Variants in DSG1 observed in about 807,000 individuals in gnomAD.
DSG1 encodes the protein desmoglein 1.
In DSG1, 39 loss-of-function variants were observed where a neutral mutation model predicts 97.5. The ratio of observed to expected loss-of-function variants is 0.40; its 90% CI spans 0.31 to 0.52. The LOEUF (loss-of-function observed/expected upper bound fraction) is 0.52. Ranked by LOEUF, DSG1 falls within the 20% of genes least tolerant of loss-of-function variation. The pLI, the probability that DSG1 is intolerant of heterozygous loss-of-function variation, is 0.53. For missense variants in DSG1, 1,311 were observed against 1,295.4 expected, an observed-to-expected ratio of 1.01 and a Z score of -0.18; for synonymous variants, 475 against 443.4, an observed-to-expected ratio of 1.07 and a Z score of -0.90.
rs535358304 is a variant in DSG1, at chr18:31,333,595, G to A, written c.691G>A (p.Gly231Ser). 105 of 1,613,594 alleles carry A rather than the reference G, an allele frequency of 6.5e-5. No individual in the cohort carries two copies. Among genetic ancestry groups the A allele is most frequent in the Admixed American group, 3.8e-4 (23 of 59,972 alleles). The change falls in exon 7 of 15, where the codon GGC becomes AGC. Residue 231 changes from glycine to serine, a missense_variant. Around this residue, in one of 3 missense-constraint regions of DSG1, gnomAD observed 259 missense variants for 304.1 expected, o/e 0.85. Transcript: ENST00000257192. ...CTGTAATATGTATTTTTAGCAATAC[G>A]GCCAGTATGCTCTTGCTGTAAGAGG... is the stretch of plus-strand genomic sequence containing the variant. ...MNNFLDREQYGQYALAVRGSD... is the reference protein window; with the variant it reads ...MNNFLDREQYSQYALAVRGSD...
rs1007662670 is a variant in DSG1 at position 31,324,946 on chromosome 18, T to C, written c.49-1635T>C. Among the ~76,000 whole-genome samples the C allele has an allele frequency of 2.0e-5, 3 of 152,204 alleles. No homozygotes were observed. In the East Asian group the frequency reaches 5.8e-4, roughly 29 times the overall value. The stretch of plus-strand genomic sequence containing the variant: ...AATATTACAGCTGGAAAGTTACCTG[T>C]ATAAAATTTAGTCTACTCTTGTCAT... On this transcript the variant is annotated intron_variant, in intron 1 of 14. Transcript: ENST00000257192.
intron 1 of DSG1, among the ~76,000 whole-genome samples, chr18:31,322,281 AC>A (rs1182239398): frequency 2.6e-5 from 4 of 152,374 alleles, no homozygotes; most frequent in Middle Eastern, 3.4e-3. Context: ...CTAATCACAC[AC>A]AGCAGAGGTA....
At chr18:31,324,361 A>G (rs183067767) in intron 1 of DSG1, among the ~76,000 whole-genome samples, 1 of 147,304 alleles carries the variant, frequency 6.8e-6, no homozygotes, top group African/African-American at 2.5e-5. Flanking sequence ...TTCTAGTTTT[A>G]TCCTCAATTG....
intron 3 of DSG1, among the ~76,000 whole-genome samples, chr18:31,327,895 G>C (rs1399627639): frequency 6.6e-6 from 1 of 152,122 alleles, no homozygotes; most frequent in African/African-American, 2.4e-5. Flanking sequence ...TTTAACTGTT[G>C]AATGAATGAA....
At chr18:31,325,836 T>G (rs1017971332) in intron 1 of DSG1, among the ~76,000 whole-genome samples, 1 of 152,218 alleles carries the variant, frequency 6.6e-6, no homozygotes, top group Non-Finnish European at 1.5e-5. Flanking sequence ...TTGAATTATA[T>G]TTAGCCATAG....
intron 4 of DSG1, among the ~76,000 whole-genome samples, chr18:31,329,682 C>A (rs531376462): frequency 2.6e-4 from 39 of 151,710 alleles, no homozygotes; most frequent in South Asian, 2.1e-4. Context: ...TAATAATAAT[C>A]ATAATAATAA....
intron 12 of DSG1, 107 bp downstream of exon 12, chr18:31,343,690 C>G (rs2071806567): frequency 2.0e-6 from 3 of 1,511,484 alleles, no homozygotes; most frequent in Non-Finnish European, 2.7e-6. Context: ...GTTTTTTGTG[C>G]TGAGAAAGCT....
intron 6 of DSG1, among the ~76,000 whole-genome samples, chr18:31,332,472 A>T (rs1235206690): frequency 6.6e-6 from 1 of 152,148 alleles, no homozygotes; most frequent in Non-Finnish European, 1.5e-5. Context: ...CAAATAAGAA[A>T]ATAACTAGTG....
chr18:31,345,843 T>C, intron 13 of DSG1, 147 bp from the exon 14 acceptor site: 2 of 637,706 alleles, frequency 3.1e-6, no homozygotes, highest in Non-Finnish European at 5.5e-6. Context: ...ATTGTATTTA[T>C]ATCTCCTTTC....
intron 6 of DSG1, among the ~76,000 whole-genome samples, chr18:31,332,784 A>C (rs540421892): frequency 6.6e-5 from 10 of 152,276 alleles, no homozygotes; most frequent in African/African-American, 2.4e-4. Context: ...ATGTTACCTA[A>C]GTCTCCTTTT....
rs2071941423 is a variant in DSG1 at position 31,354,954 on chromosome 18, G to A, written c.2758G>A (p.Val920Met). 1.2e-6 allele frequency: 2 copies of A among 1,614,214 alleles called. No individual in the cohort carries two copies. Reference sequence around the variant, plus strand: ...CCATCATCCTAGAGAGTCTTCAAATGTGGTAGTGACAGAAAGAGTAATCCA... The same window carrying A: ...CCATCATCCTAGAGAGTCTTCAAATATGGTAGTGACAGAAAGAGTAATCCA... ...TIHHPRESSN[V>M]VVTERVIQPT... The change falls in exon 15 of 15, where the codon GTG becomes ATG. Residue 920 changes from valine (V) to methionine (M), a missense_variant. By Grantham distance (21) the Val-to-Met change is conservative. Coordinates refer to ENST00000257192, the MANE Select transcript of DSG1 (RefSeq NM_001942.4).
In DSG1 at chr18:31,343,983, A is replaced by G. The variant is rs778941020; in HGVS notation, c.1879A>G (p.Ile627Val). 6.8e-6 allele frequency: 11 copies of G among 1,612,084 alleles called. No individual in the cohort carries two copies. The highest frequency in any genetic ancestry group is 1.7e-5 in the Admixed American group (1 of 60,012). The change falls in exon 13 of 15, where the codon ATT becomes GTT. Residue 627 changes from isoleucine to valine, a missense_variant. This residue lies in a region of DSG1 where 1,038 missense variants were observed against 964.6 expected (regional missense o/e 1.08). Transcript: ENST00000257192. ...PPDNANIIEC[I>V]DNSGVYTNEY... is the part of the protein sequence containing the mutation. Reference sequence around the variant, plus strand: ...TGATAACGCAAATATAATTGAATGCATTGACAACTCAGGTAAGAAAAAAGA... The same window carrying G: ...TGATAACGCAAATATAATTGAATGCGTTGACAACTCAGGTAAGAAAAAAGA...
chr18:31,343,616 T>C (rs2071805845), intron 12 of DSG1, 33 bp downstream of exon 12: 1 of 1,613,978 alleles, frequency 6.2e-7, no homozygotes, highest in African/African-American at 1.3e-5. Flanking sequence ...TAGCCGTTGG[T>C]AGTCACTGAA....
chr18:31,336,792 A>ATCAG (rs2071757434), intron 9 of DSG1, among the ~76,000 whole-genome samples, 179 bp downstream of exon 9: 1 of 152,238 alleles, frequency 6.6e-6, no homozygotes, highest in African/African-American at 2.4e-5. Context: ...AAACATAAAA[A>ATCAG]TTCATGCAAG....
chr18:31,327,246 T>C (rs1217159461), intron 3 of DSG1, among the ~76,000 whole-genome samples: 1 of 152,154 alleles, frequency 6.6e-6, no homozygotes, highest in Non-Finnish European at 1.5e-5. Flanking sequence ...TGATCATGTG[T>C]TATCCCAAAC....
chr18:31,333,840 AC>A, intron 7 of DSG1, 117 bp downstream of exon 7: 1 of 1,325,900 alleles, frequency 7.5e-7, no homozygotes, highest in Non-Finnish European at 1.1e-6. Flanking sequence ...CCAAATGTAG[AC>A]ACATACTTTT....
intron 12 of DSG1, 114 bp from the exon 13 acceptor site, chr18:31,343,812 A>T: frequency 4.3e-6 from 5 of 1,161,018 alleles, no homozygotes; most frequent in Non-Finnish European, 6.3e-6. Context: ...TTTCCTAAAT[A>T]GTATTTTTTT....
chr18:31,325,355 A>G (rs2071679340), intron 1 of DSG1, among the ~76,000 whole-genome samples: 1 of 152,226 alleles, frequency 6.6e-6, no homozygotes. Flanking sequence ...GGGAAGCGCA[A>G]TAACAGATAA....
rs1370410244 is a variant in DSG1 at position 31,330,032 on chromosome 18, T to C, written c.513T>C (p.Asn171=). Residue 171 remains asparagine, a synonymous_variant, in exon 5 of 15, where the codon AAT becomes AAC. Coordinates refer to ENST00000257192, the MANE Select transcript of DSG1 (RefSeq NM_001942.4). ...TFAGQIEENS[N]ANTLVMILNA... is the part of the protein sequence containing the mutation. Reference sequence around the variant, plus strand: ...CAGGACAAATAGAAGAAAATTCTAATGCAAGTAAGTAATGTAGTGGCTTCC... The same window carrying C: ...CAGGACAAATAGAAGAAAATTCTAACGCAAGTAAGTAATGTAGTGGCTTCC... 3.7e-6 allele frequency: 6 copies of C among 1,612,856 alleles called. No homozygotes were observed. Among genetic ancestry groups the C allele is most frequent in the African/African-American group, 1.3e-5 (1 of 74,872 alleles).
Sources: allele counts gnomAD v4.1 joint callset (sites outside exome capture counted in the v4.1 genomes callset), GRCh38; gene constraint gnomAD v4.1.1; regional missense constraint gnomAD v4.1.1; transcripts MANE v1.5; gene names NCBI Gene and HGNC (gene_info 2026-07-23, HGNC 2026-07-21).